ARID2: variants seen among roughly 807,000 people sequenced by gnomAD.
The protein encoded by ARID2 is AT-rich interactive domain-containing protein 2.
In ARID2, 32 loss-of-function variants were observed where a neutral mutation model predicts 184.6. The ratio of observed to expected loss-of-function variants is 0.17; its 90% CI spans 0.13 to 0.23. The LOEUF (loss-of-function observed/expected upper bound fraction) is 0.23. Ranked by LOEUF, ARID2 falls within the 10% of genes least tolerant of loss-of-function variation. The probability of loss-of-function intolerance (pLI) is 1.00; values close to 1 mark genes in which losing one functional copy is unlikely to be tolerated. For missense variants in ARID2, 1,696 were observed against 2,197.6 expected (o/e 0.77, Z 4.56); for synonymous variants, 836 against 772.6 (o/e 1.08, Z -1.36).
chr12:45,851,220 C>A lies in ARID2; in HGVS notation c.3097C>A (p.Pro1033Thr), dbSNP rs1488244293. 6.2e-7 allele frequency: 1 copy of A among 1,614,154 alleles called. No homozygotes were observed. The highest frequency in any genetic ancestry group is 8.5e-7 in the Non-Finnish European group (1 of 1,180,014). Residue 1033 changes from proline (P) to threonine (T), a missense_variant, in exon 15 of 21, where the codon CCC becomes ACC. By Grantham distance (38) the Pro-to-Thr change is conservative. Transcript: ENST00000334344. ...GCAGGTACAAGTACAAGTTCAGCAG[C>A]CCCAACAAGTACAGATGCAAGTTCA... ...PQQVQVQVQQ[P>T]QQVQMQVQPQ... is the part of the protein sequence containing the mutation.
intron 3 of ARID2, among the ~76,000 whole-genome samples, chr12:45,794,926 C>T (rs2138059244): frequency 6.6e-6 from 1 of 152,126 alleles, no homozygotes; most frequent in East Asian, 1.9e-4. Context: ...ACTTTATGCC[C>T]CCAGCCCCCT....
chr12:45,851,116 G>A lies in ARID2; in HGVS notation c.2993G>A (p.Gly998Glu), dbSNP rs2138168011. The A allele has an allele frequency of 6.2e-7, 1 of 1,613,886 alleles. No homozygotes were observed. Among genetic ancestry groups the A allele is most frequent in the Non-Finnish European group, 8.5e-7 (1 of 1,179,988 alleles). The stretch of plus-strand genomic sequence containing the variant: ...TCGTCCTCTACCCCTCAATCACAGG[G>A]ACCACCTCCTACTGTCAGTCAAATG... ...MSSSSTPQSQ[G>E]PPPTVSQMLS... The change falls in exon 15 of 21, where the codon GGA (glycine) becomes GAA (glutamate). Residue 998 changes from glycine to glutamate, a missense_variant. Around this residue, in one of 11 missense-constraint regions of ARID2, gnomAD observed 713 missense variants for 824.4 expected, o/e 0.86. Coordinates refer to ENST00000334344, the MANE Select transcript of ARID2 (RefSeq NM_152641.4).
At chr12:45,812,408 T>C (rs2138084704) in intron 4 of ARID2, among the ~76,000 whole-genome samples, 1 of 152,270 alleles carries the variant, frequency 6.6e-6, no homozygotes, top group Non-Finnish European at 1.5e-5. Flanking sequence ...TCAAAGTTTC[T>C]TAAAAGTTGA....
intron 15 of ARID2, among the ~76,000 whole-genome samples, chr12:45,853,697 C>G (rs903463307): frequency 2.6e-5 from 4 of 152,218 alleles, no homozygotes; most frequent in African/African-American, 9.6e-5. Context: ...TCACTCTGTT[C>G]TTCCTAATTC....
rs1403602948 is a variant in ARID2, at chr12:45,852,683, G to A, written c.4560G>A (p.Glu1520=). ...GCAAAACTGTAAAGAGGCCAGCAGAGGATACTGATAGGGAAACAGTCGCAG... is the reference window on the plus strand; with the variant it reads ...GCAAAACTGTAAAGAGGCCAGCAGAAGATACTGATAGGGAAACAGTCGCAG... ...AECKTVKRPA[E]DTDRETVAGI... The change falls in exon 15 of 21, where the codon GAG becomes GAA. Residue 1520 remains glutamate (E), a synonymous_variant. Transcript: ENST00000334344. 2.5e-6 allele frequency: 4 copies of A among 1,614,158 alleles called. No homozygotes were observed. The South Asian group carries it at 4.4e-5, about 18-fold the overall frequency.
intron 16 of ARID2, among the ~76,000 whole-genome samples, chr12:45,870,438 A>G (rs1331070667): frequency 1.3e-5 from 2 of 152,178 alleles, no homozygotes; most frequent in African/African-American, 4.8e-5. Flanking sequence ...TGATGAGCCA[A>G]TATTGATACA....
chr12:45,786,137 A>G (rs558131507), intron 3 of ARID2, among the ~76,000 whole-genome samples: 107 of 152,348 alleles, frequency 7.0e-4, no homozygotes, highest in African/African-American at 2.3e-3. Flanking sequence ...TTATAAATAT[A>G]ATTTTAACTG....
At chr12:45,853,666 G>GT (rs1466873845) in intron 15 of ARID2, among the ~76,000 whole-genome samples, 1 of 152,210 alleles carries the variant, frequency 6.6e-6, no homozygotes. Context: ...GTCACCACCT[G>GT]TTTCCTGGAT....
chr12:45,754,719 T>C (rs1195332511), intron 3 of ARID2, among the ~76,000 whole-genome samples: 1 of 152,244 alleles, frequency 6.6e-6, no homozygotes, highest in Non-Finnish European at 1.5e-5. Flanking sequence ...CTATAACAAC[T>C]TTTTTATTGT....
chr12:45,849,078 C>T (rs1160121420), intron 13 of ARID2, 108 bp downstream of exon 13: 1 of 1,302,060 alleles, frequency 7.7e-7, no homozygotes, highest in Non-Finnish European at 1.0e-6. Flanking sequence ...ATTTCTACTA[C>T]TAGAAGTTTC....
intron 20 of ARID2, among the ~76,000 whole-genome samples, chr12:45,897,975 T>A (rs1326422773): frequency 6.6e-6 from 1 of 151,964 alleles, no homozygotes; most frequent in African/African-American, 2.4e-5. Flanking sequence ...TTTTTGTGTT[T>A]TTAGTAGAGA....
Position 45,885,616 on chromosome 12 carries a change from A to C in ARID2, c.4923-6164A>C, listed in dbSNP as rs576792954. Among the ~76,000 whole-genome samples the C allele has an allele frequency of 1.6e-4, 25 of 152,326 alleles. No homozygotes were observed. The East Asian group carries it at 4.1e-3, about 25-fold the overall frequency. On this transcript the variant is annotated intron_variant, in intron 16 of 20. Transcript: ENST00000334344. ...TCTTATGCTGCTATAAAGAACTGCC[A>C]GAGACTGGGTAATTTGCAAAGGAAA...
chr12:45,770,999 A>G (rs1941865070), intron 3 of ARID2, among the ~76,000 whole-genome samples: 2 of 152,164 alleles, frequency 1.3e-5, no homozygotes, highest in Admixed American at 6.5e-5. Flanking sequence ...AATAAGAAGT[A>G]CTAAAGGAAG....
In ARID2 at chr12:45,850,458, G is replaced by T. The variant is rs766849555; in HGVS notation, c.2335G>T (p.Val779Leu). Reference sequence around the variant, plus strand: ...ACAGCAGTCTCCATTACACACAGTGGTACCAGGACAGATCCCTTCAGGCAC... The same window carrying T: ...ACAGCAGTCTCCATTACACACAGTGTTACCAGGACAGATCCCTTCAGGCAC... ...IPQQSPLHTV[V>L]PGQIPSGTPV... The change falls in exon 15 of 21, where the codon GTA becomes TTA. Residue 779 changes from valine to leucine, a missense_variant. Val to Leu is a conservative substitution (Grantham distance 32). Coordinates refer to ENST00000334344, the MANE Select transcript of ARID2 (RefSeq NM_152641.4). The T allele has an allele frequency of 8.1e-6, 13 of 1,613,996 alleles. No individual in the cohort carries two copies. The highest frequency in any genetic ancestry group is 1.1e-5 in the Non-Finnish European group (13 of 1,179,964).
intron 16 of ARID2, among the ~76,000 whole-genome samples, chr12:45,870,722 T>A (rs981347832): frequency 6.6e-6 from 1 of 152,240 alleles, no homozygotes; most frequent in Non-Finnish European, 1.5e-5. Flanking sequence ...GTATCCTTTT[T>A]AATCTGGTTT....
At chr12:45,867,778 A>G (rs1943854750) in intron 16 of ARID2, among the ~76,000 whole-genome samples, 1 of 150,824 alleles carries the variant, frequency 6.6e-6, no homozygotes, top group Non-Finnish European at 1.5e-5. Flanking sequence ...TTCTGTACAG[A>G]TGGGGTCTTA....
At chr12:45,859,605 A>G (rs1404225572) in intron 15 of ARID2, among the ~76,000 whole-genome samples, 2 of 152,242 alleles carry the variant, frequency 1.3e-5, no homozygotes, top group African/African-American at 4.8e-5. Flanking sequence ...TGGTATTTCA[A>G]GAAAATATAT....
chr12:45,779,621 C>G (rs945949826), intron 3 of ARID2, among the ~76,000 whole-genome samples: 1 of 152,060 alleles, frequency 6.6e-6, no homozygotes, highest in African/African-American at 2.4e-5. Context: ...GATTAATAGA[C>G]TTTCACTTGA....
In ARID2 at chr12:45,817,869, T is replaced by C. The variant is rs763007391; in HGVS notation, c.618T>C (p.Asn206=). ...DPKIITLLLA[N]AGVFDDTLGS... ...AAATCATCACTTTACTACTTGCTAATGCCGGGGTGTTTGACGACAGTAAGT... is the reference window on the plus strand; with the variant it reads ...AAATCATCACTTTACTACTTGCTAACGCCGGGGTGTTTGACGACAGTAAGT... Residue 206 remains asparagine, a synonymous_variant, in exon 5 of 21, where the codon AAT becomes AAC. Coordinates refer to ENST00000334344, the MANE Select transcript of ARID2 (RefSeq NM_152641.4). 1.2e-5 allele frequency: 20 copies of C among 1,612,384 alleles called. No individual in the cohort carries two copies. In the South Asian group the frequency reaches 2.2e-4, roughly 18 times the overall value.
Sources: gnomAD v4.1 joint callset for allele counts (sites outside exome capture counted in the v4.1 genomes callset) on GRCh38, gnomAD v4.1.1 for gene constraint, gnomAD v4.1.1 regional missense constraint, MANE v1.5 for transcripts, NCBI Gene and HGNC (gene_info 2026-07-23, HGNC 2026-07-21) for gene names.